The following ITGA1 variants were observed in gnomAD, a reference collection of about 807,000 sequenced individuals.
ITGA1 encodes integrin alpha-1.
Under a neutral mutation model 145.9 loss-of-function variants are expected in ITGA1, and 85 were observed. The ratio of observed to expected loss-of-function variants is 0.58; its 90% CI spans 0.49 to 0.70. ITGA1 has a LOEUF of 0.70. Among genes scored for constraint, ITGA1 ranks in the 30% least tolerant of loss-of-function variants. ITGA1 has a pLI of 0.00. For synonymous variants in ITGA1, 520 were observed against 495.3 expected, an observed-to-expected ratio of 1.05 and a Z score of -0.66; for missense variants, 1,351 against 1,418.7, an observed-to-expected ratio of 0.95 and a Z score of 0.77.
chr5:52,897,844 T>C (rs1750252544), intron 10 of ITGA1, among the ~76,000 whole-genome samples: 2 of 96 alleles, frequency 0.021, no homozygotes, highest in African/African-American at 0.067. Context: ...GGAATATTTT[T>C]CCACAGGTCA....
At chr5:52,910,905 C>G (rs10040684) in intron 14 of ITGA1, among the ~76,000 whole-genome samples, 5 of 131,692 alleles carry the variant, frequency 3.8e-5, no homozygotes, top group African/African-American at 1.5e-4. Flanking sequence ...ATAGTATATA[C>G]GGTATGTATA....
Position 52,929,678 on chromosome 5 carries a change from G to T in ITGA1, c.2748G>T (p.Val916=), listed in dbSNP as rs1472679844. The T allele has an allele frequency of 4.4e-6, 7 of 1,587,838 alleles. No individual in the cohort carries two copies. Among genetic ancestry groups the T allele is most frequent in the South Asian group, 3.4e-5 (3 of 89,302 alleles). Residue 916 remains valine (V), a synonymous_variant, in exon 21 of 29, where the codon GTG becomes GTT. Transcript: ENST00000282588. ...ACACATCCTATCTCATGGAAAATGT[G>T]ACCATTTATTTAAGTGCAACAAGGT... ...QFNTSYLMEN[V]TIYLSATSDS... is the part of the protein sequence containing the mutation.
intron 1 of ITGA1, chr5:52,800,156 G>T (rs1287257926): frequency 1.3e-5 from 7 of 552,838 alleles, no homozygotes; most frequent in Non-Finnish European, 2.3e-5. Flanking sequence ...GATTTTCGCT[G>T]CAGTGTTCCC....
At chr5:52,796,452 G>A (rs1580023273) in intron 1 of ITGA1, among the ~76,000 whole-genome samples, 1 of 151,884 alleles carries the variant, frequency 6.6e-6, no homozygotes, top group Admixed American at 6.5e-5. Flanking sequence ...CAATACATAA[G>A]TATAAAATTA....
At chr5:52,918,408 G>A (rs939272021) in intron 15 of ITGA1, among the ~76,000 whole-genome samples, 1 of 152,062 alleles carries the variant, frequency 6.6e-6, no homozygotes, top group Non-Finnish European at 1.5e-5. Context: ...TTTCAAATTT[G>A]GAACAAACTC....
intron 17 of ITGA1, among the ~76,000 whole-genome samples, chr5:52,922,144 C>T (rs957437930): frequency 6.6e-6 from 1 of 151,734 alleles, no homozygotes; most frequent in Admixed American, 6.6e-5. Flanking sequence ...CTACTAAAAA[C>T]ACAAAAATTA....
intron 1 of ITGA1, among the ~76,000 whole-genome samples, chr5:52,826,197 GAT>G: frequency 6.6e-6 from 1 of 152,272 alleles, no homozygotes; most frequent in Admixed American, 6.5e-5. Flanking sequence ...CCTTATTGCT[GAT>G]ATATAGAAAG....
intron 11 of ITGA1, chr5:52,905,288 G>A (rs1486857250): frequency 6.6e-6 from 1 of 152,270 alleles, no homozygotes; most frequent in Non-Finnish European, 1.5e-5. Context: ...TAAATGCAAT[G>A]TCTTTATGCT....
intron 1 of ITGA1, among the ~76,000 whole-genome samples, chr5:52,829,261 C>T (rs10940272): frequency 0.24 from 36,476 of 152,024 alleles, 4,642 homozygotes; most frequent in Non-Finnish European, 0.29. Flanking sequence ...TGTGGTGGCT[C>T]ATGCCTATAA....
At chr5:52,835,075 A>G (rs1749142926) in intron 1 of ITGA1, among the ~76,000 whole-genome samples, 1 of 152,152 alleles carries the variant, frequency 6.6e-6, no homozygotes, top group African/African-American at 2.4e-5. Flanking sequence ...ACTTCCACTT[A>G]CTTTTTTTGG....
At chr5:52,914,133 A>G (rs1478442) in intron 14 of ITGA1, among the ~76,000 whole-genome samples, 32,371 of 152,226 alleles carry the variant, frequency 0.21, 4,238 homozygotes, top group East Asian at 0.45. Context: ...ATGGTGGTAA[A>G]TCAAGATGCA....
intron 1 of ITGA1, chr5:52,802,122 A>T (rs1021840126): frequency 6.3e-6 from 2 of 317,648 alleles, no homozygotes; most frequent in Admixed American, 4.6e-5. Context: ...AAATGTGTGT[A>T]TTTAAAGACG....
chr5:52,876,892 G>T (rs1749875982), intron 6 of ITGA1, among the ~76,000 whole-genome samples: 1 of 152,172 alleles, frequency 6.6e-6, no homozygotes, highest in African/African-American at 2.4e-5. Context: ...TGCAGAGAGA[G>T]TGGAACTGGA....
chr5:52,811,818 T>C (rs1748687501), intron 1 of ITGA1, among the ~76,000 whole-genome samples: 1 of 152,162 alleles, frequency 6.6e-6, no homozygotes, highest in South Asian at 2.1e-4. Flanking sequence ...AAATAGGCAA[T>C]GAGAAAAAAC....
chr5:52,839,058 C>T (rs1167493936), intron 1 of ITGA1, among the ~76,000 whole-genome samples: 1 of 152,174 alleles, frequency 6.6e-6, no homozygotes, highest in Non-Finnish European at 1.5e-5. Context: ...GATTGCACCA[C>T]TGCATCCTAG....
At chr5:52,916,960 C>T (rs939278339) in intron 15 of ITGA1, among the ~76,000 whole-genome samples, 1 of 152,126 alleles carries the variant, frequency 6.6e-6, no homozygotes, top group Non-Finnish European at 1.5e-5. Context: ...GCATTGATGG[C>T]CCAAAATGAT....
At chr5:52,862,242 A>G (rs893517205) in intron 3 of ITGA1, among the ~76,000 whole-genome samples, 4 of 151,480 alleles carry the variant, frequency 2.6e-5, no homozygotes, top group Non-Finnish European at 4.4e-5. Flanking sequence ...AAAAGAAAAG[A>G]AAAAAAACAG....
chr5:52,807,877 AC>A lies in ITGA1; in HGVS notation c.61+19464del, dbSNP rs112653057. 9.5e-3 allele frequency among the ~76,000 whole-genome samples: 1,439 copies of A among 152,174 alleles called. 28 individuals carry two copies. Among genetic ancestry groups the A allele is most frequent in the African/African-American group, 0.033 (1,357 of 41,508 alleles). On this transcript the variant is annotated intron_variant, in intron 1 of 28. Transcript: ENST00000282588. ...ATTAAGTCATGCACTATTACAATAA[AC>A]TTTTTTTTAATGACTCACCTTAAGT... is the stretch of plus-strand genomic sequence containing the variant.
chr5:52,815,716 C>T (rs1748756127), intron 1 of ITGA1, among the ~76,000 whole-genome samples: 1 of 152,160 alleles, frequency 6.6e-6, no homozygotes, highest in African/African-American at 2.4e-5. Context: ...GTCTACTTAG[C>T]AATCATCTTT....
Sources: gnomAD v4.1 joint callset for allele counts (sites outside exome capture counted in the v4.1 genomes callset) on GRCh38, gnomAD v4.1.1 for gene constraint, MANE v1.5 for transcripts, NCBI Gene and HGNC (gene_info 2026-07-23, HGNC 2026-07-21) for gene names.